Variants in SERPINC1 observed in about 807,000 individuals in gnomAD.
The protein encoded by SERPINC1 is serpin family C member 1.
In SERPINC1, 12 loss-of-function variants were observed where a neutral mutation model predicts 43.4. The ratio of observed to expected loss-of-function variants is 0.28; its 90% CI spans 0.18 to 0.45. The LOEUF is 0.45. Among genes scored for constraint, SERPINC1 ranks in the 20% least tolerant of loss-of-function variants. The pLI is 1.00. For missense variants in SERPINC1, 423 were observed against 578.8 expected (o/e 0.73, Z 2.76); for synonymous variants, 210 against 218.9 (o/e 0.96, Z 0.36).
intron 5 of SERPINC1, among the ~76,000 whole-genome samples, chr1:173,907,984 A>AAATAATAATAAT (rs57195053): frequency 0.027 from 3,708 of 139,354 alleles, 65 homozygotes; most frequent in Admixed American, 0.037. Context: ...TGCATCTCAA[A>AAATAATAATAAT]AATAATAATA....
At position 173,912,790 on chromosome 1, in the gene SERPINC1, T is replaced by A. The variant is rs542300384; in HGVS notation, c.409-776A>T. Among the ~76,000 whole-genome samples, 8 of 152,220 alleles carry A rather than the reference T, an allele frequency of 5.3e-5. No homozygotes were observed. The South Asian group carries it at 1.7e-3, about 32-fold the overall frequency. The stretch of plus-strand genomic sequence containing the variant: ...CTGCTTTCCCAACACATGGCGTTTG[T>A]GTAGAGGGGAGGACCAAAGGAACAT... On this transcript the variant is annotated intron_variant, in intron 2 of 6. Transcript: ENST00000367698.
intron 3 of SERPINC1, among the ~76,000 whole-genome samples, chr1:173,911,573 A>G (rs1246431905): frequency 3.9e-5 from 6 of 152,228 alleles, no homozygotes; most frequent in Non-Finnish European, 8.8e-5. Flanking sequence ...TGAAGAATTG[A>G]TTATTAATTC....
Position 173,914,848 on chromosome 1 carries a change from T to C in SERPINC1, c.113A>G (p.Asp38Gly). The change falls in exon 2 of 7, where the codon GAC becomes GGC. Residue 38 changes from aspartate to glycine, a missense_variant. By Grantham distance (94) the Asp-to-Gly change is moderately conservative. Transcript: ENST00000367698. ...DCVTCHGSPV[D>G]ICTAKPRDIP... ...GTCCCGCGGCTTGGCTGTGCAGATGTCCACAGGGCTCCCGTGACAGGTCAC... is the reference window on the plus strand; with the variant it reads ...GTCCCGCGGCTTGGCTGTGCAGATGCCCACAGGGCTCCCGTGACAGGTCAC... The C allele has an allele frequency of 6.2e-7, 1 of 1,614,198 alleles. No individual in the cohort carries two copies.
At chr1:173,912,386 G>T (rs1209816418) in intron 2 of SERPINC1, among the ~76,000 whole-genome samples, 2 of 152,150 alleles carry the variant, frequency 1.3e-5, no homozygotes, top group African/African-American at 4.8e-5. Flanking sequence ...CATCTACTGG[G>T]GCCAGCTGCT....
rs138949705 is a variant in SERPINC1, at chr1:173,914,055, G to A, written c.408+498C>T. On this transcript the variant is annotated intron_variant, in intron 2 of 6. Coordinates refer to ENST00000367698, the MANE Select transcript of SERPINC1 (RefSeq NM_000488.4). ...ACTGCACCACTGCACTCCAGCCTGG[G>A]CAATAGAGCGAGATTCCATCTCAAA... 7.0e-3 allele frequency among the ~76,000 whole-genome samples: 1,050 copies of A among 149,540 alleles called. 9 individuals are homozygous for A. Among genetic ancestry groups the A allele is most frequent in the African/African-American group, 0.025 (1,000 of 39,890 alleles).
At chr1:173,904,214 C>G in intron 6 of SERPINC1, 149 bp from the exon 7 acceptor site, 1 of 726,440 alleles carries the variant, frequency 1.4e-6, no homozygotes, top group Non-Finnish European at 2.4e-6. Flanking sequence ...CTCCAGAATC[C>G]TACTTCTACT....
Position 173,915,097 on chromosome 1 carries a change from CAGGGG to C in SERPINC1, c.42-183_42-179del, listed in dbSNP as rs1657934367. On this transcript the variant is annotated intron_variant, in intron 1 of 6. Transcript: ENST00000367698. ...ACAGGTTCAGTCCTAGACTTCTTGC[CAGGGG>C]ACAGTTCAGTTGCCTGGACGTGGTC... 9.5e-6 allele frequency: 14 copies of C among 1,469,310 alleles called. No homozygotes were observed. The South Asian group carries it at 1.9e-4, about 20-fold the overall frequency. 91.0% of individuals were successfully genotyped at this position (1,469,310 alleles called of 1,614,324 possible).
In SERPINC1 at chr1:173,914,695, C is replaced by T. The variant is rs745583962; in HGVS notation, c.266G>A (p.Arg89His). 9 of 1,614,084 alleles carry T rather than the reference C, an allele frequency of 5.6e-6. No individual in the cohort carries two copies. Among genetic ancestry groups the T allele is most frequent in the South Asian group, 4.4e-5 (4 of 91,084 alleles). ...RVWELSKANS[R>H]FATTFYQHLA... ...GTGCTGATAGAAAGTGGTAGCAAAGCGGGAATTGGCCTTGGACAGTTCCCA... is the reference window on the plus strand; with the variant it reads ...GTGCTGATAGAAAGTGGTAGCAAAGTGGGAATTGGCCTTGGACAGTTCCCA... Residue 89 changes from arginine to histidine, a missense_variant, in exon 2 of 7, where the codon CGC becomes CAC. Arg to His is a conservative substitution (Grantham distance 29). Transcript: ENST00000367698.
chr1:173,909,543 T>C lies in SERPINC1; in HGVS notation c.1153+9A>G. Reference sequence around the variant, plus strand: ...GTGGAGAAGGGAGGAAACTCCTTCCTAGACAAACCTGGGAGTTTGGACTTT... The same window carrying C: ...GTGGAGAAGGGAGGAAACTCCTTCCCAGACAAACCTGGGAGTTTGGACTTT... On this transcript the variant is annotated intron_variant, in intron 5 of 6. Transcript: ENST00000367698. The C allele has an allele frequency of 6.2e-7, 1 of 1,613,458 alleles. No individual in the cohort carries two copies. Among genetic ancestry groups the C allele is most frequent in the Non-Finnish European group, 8.5e-7 (1 of 1,180,030 alleles).
At chr1:173,916,733 G>C (rs2102792914) in intron 1 of SERPINC1, among the ~76,000 whole-genome samples, 1 of 152,306 alleles carries the variant, frequency 6.6e-6, no homozygotes, top group South Asian at 2.1e-4. Flanking sequence ...GTGGCATTGA[G>C]GGAGGGACAA....
At chr1:173,913,152 A>T (rs1261283560) in intron 2 of SERPINC1, among the ~76,000 whole-genome samples, 1 of 152,170 alleles carries the variant, frequency 6.6e-6, no homozygotes, top group East Asian at 1.9e-4. Context: ...ACCGTATACC[A>T]TCTTGAAGGG....
chr1:173,910,921 C>G, intron 3 of SERPINC1, 30 bp from the exon 4 acceptor site: 1 of 1,613,514 alleles, frequency 6.2e-7, no homozygotes, highest in Non-Finnish European at 8.5e-7. Flanking sequence ...AACCTACTCA[C>G]CTGTGCTATT....
intron 2 of SERPINC1, 109 bp downstream of exon 2, chr1:173,914,444 G>C (rs1657900762): frequency 8.2e-7 from 1 of 1,212,162 alleles, no homozygotes; most frequent in East Asian, 2.3e-5. Flanking sequence ...TGCATAATGA[G>C]CGCCCCTAGT....
At chr1:173,911,499 A>G (rs1557902965) in intron 3 of SERPINC1, among the ~76,000 whole-genome samples, 1 of 152,224 alleles carries the variant, frequency 6.6e-6, no homozygotes. Context: ...ATTAAGTAAG[A>G]TATCTTGTAG....
intron 1 of SERPINC1, 95 bp downstream of exon 1, chr1:173,917,124 G>T: frequency 1.9e-6 from 2 of 1,035,954 alleles, no homozygotes; most frequent in Non-Finnish European, 3.0e-6. Flanking sequence ...GAGAGGGCCT[G>T]GTCTTCTCAA....
At position 173,914,589 on chromosome 1, in the gene SERPINC1, C is replaced by T; in HGVS notation, c.372G>A (p.Leu124=). Residue 124 remains leucine (L), a synonymous_variant, in exon 2 of 7, where the codon CTG becomes CTA. Coordinates refer to ENST00000367698, the MANE Select transcript of SERPINC1 (RefSeq NM_000488.4). The stretch of plus-strand genomic sequence containing the variant: ...GCTGGAGGGTGTCATTACAGGCACC[C>T]AGCTTGGTCATAGCAAAAGCCGTGG... ...SISTAFAMTK[L]GACNDTLQQL... The T allele has an allele frequency of 4.3e-6, 7 of 1,614,168 alleles. No homozygotes were observed. In the South Asian group the frequency reaches 7.7e-5, roughly 18 times the overall value.
intron 5 of SERPINC1, among the ~76,000 whole-genome samples, chr1:173,908,980 C>T (rs1008461526): frequency 6.6e-6 from 1 of 152,202 alleles, no homozygotes; most frequent in Non-Finnish European, 1.5e-5. Context: ...TCCTGGCCAA[C>T]ATGGTGAAAC....
In SERPINC1 at chr1:173,914,640, G is replaced by A. The variant is rs1290680956; in HGVS notation, c.321C>T (p.Asn107=). 1.9e-5 allele frequency: 30 copies of A among 1,614,096 alleles called. No homozygotes were observed. The highest frequency in any genetic ancestry group is 2.5e-5 in the Non-Finnish European group (29 of 1,180,048). The change falls in exon 2 of 7, where the codon AAC becomes AAT. Residue 107 remains asparagine, a synonymous_variant. Transcript: ENST00000367698. ...HLADSKNDND[N]IFLSPLSIST... is the part of the protein sequence containing the mutation. ...AGATACTCAGGGGTGACAGGAAAAT[G>A]TTATCATTGTCATTCTTGGAATCTG...
At chr1:173,916,162 C>T (rs1456050082) in intron 1 of SERPINC1, among the ~76,000 whole-genome samples, 2 of 152,120 alleles carry the variant, frequency 1.3e-5, no homozygotes, top group East Asian at 1.9e-4. Context: ...TTGGGACACT[C>T]GATGAAGCAA....
Sources: gnomAD v4.1 joint callset for allele counts (sites outside exome capture counted in the v4.1 genomes callset) on GRCh38, gnomAD v4.1.1 for gene constraint, MANE v1.5 for transcripts, NCBI Gene and HGNC (gene_info 2026-07-23, HGNC 2026-07-21) for gene names.